DIS3L2: variants seen among roughly 807,000 people sequenced by gnomAD.
The protein encoded by DIS3L2 is DIS3 like 3'-5' exoribonuclease 2.
A neutral mutation model predicts 97.5 loss-of-function variants in DIS3L2; 34 were observed. The ratio of observed to expected loss-of-function variants is 0.35; its 90% CI spans 0.27 to 0.46. The LOEUF is 0.46. DIS3L2 is among the 20% of genes least tolerant of loss of function. DIS3L2 has a pLI of 1.00. For synonymous variants in DIS3L2, 435 were observed against 445.2 expected, an observed-to-expected ratio of 0.98 and a Z score of 0.29; for missense variants, 1,038 against 1,146.0, an observed-to-expected ratio of 0.91 and a Z score of 1.36.
intron 10 of DIS3L2, among the ~76,000 whole-genome samples, chr2:232,212,006 G>A (rs1378846498): frequency 6.6e-6 from 1 of 152,096 alleles, no homozygotes; most frequent in Non-Finnish European, 1.5e-5. Flanking sequence ...TTACAAGCAC[G>A]AGCCACTGTG....
intron 13 of DIS3L2, among the ~76,000 whole-genome samples, chr2:232,279,590 G>A (rs183792960): frequency 1.3e-5 from 2 of 151,942 alleles, no homozygotes; most frequent in East Asian, 3.9e-4. Context: ...GTTCAGTGGT[G>A]CAATCTCAGC....
intron 1 of DIS3L2, among the ~76,000 whole-genome samples, chr2:232,011,419 T>C (rs1694196738): frequency 6.6e-6 from 1 of 151,586 alleles, no homozygotes; most frequent in Non-Finnish European, 1.5e-5. Flanking sequence ...AATGGCACAA[T>C]CTCAGCTCAC....
chr2:232,323,513 A>G (rs1312492534), intron 14 of DIS3L2, among the ~76,000 whole-genome samples: 5 of 152,148 alleles, frequency 3.3e-5, no homozygotes, highest in South Asian at 2.1e-4. Flanking sequence ...CCACTCACCT[A>G]TAGAAAGGCC....
intron 5 of DIS3L2, among the ~76,000 whole-genome samples, chr2:232,035,337 T>C (rs921210578): frequency 6.6e-6 from 1 of 152,240 alleles, no homozygotes; most frequent in Non-Finnish European, 1.5e-5. Context: ...TTTTTTTTGC[T>C]TTCCATTTGC....
At chr2:232,260,883 A>C (rs1443687354) in intron 12 of DIS3L2, among the ~76,000 whole-genome samples, 1 of 152,158 alleles carries the variant, frequency 6.6e-6, no homozygotes, top group Non-Finnish European at 1.5e-5. Flanking sequence ...GAATGCCTAC[A>C]TACTCTTCAA....
At chr2:232,304,809 A>T (rs1402121695) in intron 14 of DIS3L2, among the ~76,000 whole-genome samples, 3 of 152,058 alleles carry the variant, frequency 2.0e-5, no homozygotes, top group Non-Finnish European at 4.4e-5. Flanking sequence ...ATTCATTTTT[A>T]TTTATATTGT....
At chr2:232,161,050 T>C (rs1315425581) in intron 8 of DIS3L2, among the ~76,000 whole-genome samples, 2 of 152,090 alleles carry the variant, frequency 1.3e-5, no homozygotes, top group Admixed American at 6.5e-5. Flanking sequence ...CCAGAGTAGC[T>C]GGGACTGCGG....
At chr2:232,261,054 C>T (rs747016347) in intron 12 of DIS3L2, among the ~76,000 whole-genome samples, 41 of 152,212 alleles carry the variant, frequency 2.7e-4, no homozygotes, top group Admixed American at 6.5e-5. Flanking sequence ...TACACTTCCA[C>T]GCATTTATCC....
At chr2:232,172,634 T>A (rs1375542948) in intron 9 of DIS3L2, 1 of 516,896 alleles carries the variant, frequency 1.9e-6, no homozygotes, top group South Asian at 1.4e-5. Flanking sequence ...CATTCAGTTA[T>A]TTTGGGTATA....
chr2:232,243,988 A>G (rs1238751060), intron 11 of DIS3L2, among the ~76,000 whole-genome samples: 1 of 152,248 alleles, frequency 6.6e-6, no homozygotes, highest in African/African-American at 2.4e-5. Flanking sequence ...TTGGGAAGGT[A>G]AAGCCAGTGT....
intron 9 of DIS3L2, among the ~76,000 whole-genome samples, chr2:232,207,087 G>T (rs913943801): frequency 4.7e-4 from 71 of 152,254 alleles, no homozygotes; most frequent in African/African-American, 1.5e-3. Context: ...AGTTCTTTTT[G>T]ATTTTGACTA....
intron 3 of DIS3L2, among the ~76,000 whole-genome samples, chr2:232,016,340 G>A (rs975851223): frequency 1.5e-4 from 23 of 152,342 alleles, no homozygotes; most frequent in African/African-American, 5.3e-4. Context: ...AGGTAGACAA[G>A]ATTGCCTTGC....
At chr2:232,342,019 T>C (rs976368578), downstream of DIS3L2, among the ~76,000 whole-genome samples, 6 of 152,184 alleles carry the variant, frequency 3.9e-5, no homozygotes, top group East Asian at 1.9e-4. Flanking sequence ...GATCAAAATA[T>C]AGACGATAGA....
intron 11 of DIS3L2, among the ~76,000 whole-genome samples, chr2:232,239,857 T>TAAAA (rs1457349469): frequency 1.3e-5 from 2 of 152,240 alleles, no homozygotes; most frequent in Non-Finnish European, 2.9e-5. Flanking sequence ...GTTCCTCTCA[T>TAAAA]GTTTTCAACT....
chr2:231,990,308 C>T (rs769043565), intron 1 of DIS3L2, among the ~76,000 whole-genome samples: 1 of 151,938 alleles, frequency 6.6e-6, no homozygotes, highest in Admixed American at 6.6e-5. Flanking sequence ...TTCTAAAGTA[C>T]TTGTGTTTGA....
chr2:232,148,756 T>C (rs985706711), intron 8 of DIS3L2, among the ~76,000 whole-genome samples: 8 of 146,390 alleles, frequency 5.5e-5, no homozygotes, highest in East Asian at 2.0e-4. Context: ...TTCTTTTTTT[T>C]TTTTTTTTTT....
intron 1 of DIS3L2, among the ~76,000 whole-genome samples, chr2:231,995,429 C>T (rs1693706161): frequency 6.6e-6 from 1 of 152,284 alleles, no homozygotes; most frequent in East Asian, 1.9e-4. Flanking sequence ...TAGATCAAAA[C>T]AGACACCTGT....
At chr2:232,319,992 G>A (rs927241562) in intron 14 of DIS3L2, among the ~76,000 whole-genome samples, 15 of 152,196 alleles carry the variant, frequency 9.9e-5, no homozygotes, top group African/African-American at 2.9e-4. Context: ...CAGGCTGTGC[G>A]AGAGCACTCA....
At chr2:231,992,349 C>T (rs888737737) in intron 1 of DIS3L2, among the ~76,000 whole-genome samples, 12 of 151,968 alleles carry the variant, frequency 7.9e-5, no homozygotes, top group African/African-American at 2.9e-4. Flanking sequence ...TTGGGGGATG[C>T]TACCCAAAAT....
Sources: gnomAD v4.1 joint callset for allele counts (sites outside exome capture counted in the v4.1 genomes callset) on GRCh38, gnomAD v4.1.1 for gene constraint, MANE v1.5 for transcripts, NCBI Gene and HGNC (gene_info 2026-07-23, HGNC 2026-07-21) for gene names.